Variants in PTPRA observed in about 807,000 individuals in gnomAD.
PTPRA encodes the protein protein tyrosine phosphatase receptor type A.
Under a neutral mutation model 104.8 loss-of-function variants are expected in PTPRA, and 25 were observed. That is an observed-to-expected ratio of 0.24 (90% confidence interval 0.17 to 0.33). The LOEUF is 0.33. Ranked by LOEUF, PTPRA falls within the 10% of genes least tolerant of loss-of-function variation. PTPRA has a pLI of 1.00. For missense variants in PTPRA, 765 were observed against 1,015.3 expected (o/e 0.75, Z 3.35); for synonymous variants, 323 against 368.9 (o/e 0.88, Z 1.43).
intron 9 of PTPRA, among the ~76,000 whole-genome samples, chr20:3,003,243 C>G (rs1351769635): frequency 6.6e-6 from 1 of 152,148 alleles, no homozygotes; most frequent in Non-Finnish European, 1.5e-5. Context: ...TGCTCTGTAT[C>G]TAGCCCAGTG....
At chr20:2,886,109 AG>A (rs1288749394) in intron 1 of PTPRA, among the ~76,000 whole-genome samples, 2 of 152,220 alleles carry the variant, frequency 1.3e-5, no homozygotes, top group Non-Finnish European at 2.9e-5. Context: ...ACATAAGTAT[AG>A]ATCTTGTTTA....
At position 3,027,645 on chromosome 20, in the gene PTPRA, T is replaced by C; in HGVS notation, c.1786-62T>C. On this transcript the variant is annotated intron_variant, in intron 19 of 23. Transcript: ENST00000399903. ...CCCCATTCCCTTCTAGTGGTCTGTC[T>C]TCTCCACTAGTCCCTCTGTGATTAA... The C allele has an allele frequency of 3.2e-6, 5 of 1,575,692 alleles. No individual in the cohort carries two copies. The Admixed American group carries it at 8.5e-5, about 27-fold the overall frequency.
At chr20:2,986,989 T>A (rs1429053569) in intron 7 of PTPRA, 140 bp downstream of exon 7, 17 of 764,156 alleles carry the variant, frequency 2.2e-5, no homozygotes, top group Non-Finnish European at 3.5e-5. Flanking sequence ...AGTGCTAAAA[T>A]TGAAGTTCTA....
chr20:2,957,104 T>A (rs562412313), intron 3 of PTPRA, among the ~76,000 whole-genome samples: 1 of 152,172 alleles, frequency 6.6e-6, no homozygotes, highest in East Asian at 1.9e-4. Flanking sequence ...GCCAACACAG[T>A]GAAACCCTGT....
At chr20:2,867,604 A>T in the PTPRA span, among the ~76,000 whole-genome samples, 2 of 149,432 alleles carry the variant, frequency 1.3e-5, no homozygotes, top group Non-Finnish European at 3.0e-5. Context: ...TGCTCTCCCT[A>T]TCTAGCCTTC....
chr20:2,998,943 C>A (rs2063516334), intron 9 of PTPRA, among the ~76,000 whole-genome samples: 1 of 120,852 alleles, frequency 8.3e-6, no homozygotes, highest in Admixed American at 8.2e-5. Context: ...TTATATATGA[C>A]ATATTTATAA....
At chr20:2,967,292 A>G (rs995143195) in intron 5 of PTPRA, among the ~76,000 whole-genome samples, 2 of 152,176 alleles carry the variant, frequency 1.3e-5, no homozygotes, top group Admixed American at 6.5e-5. Flanking sequence ...GGCTGAGACT[A>G]TGTTTCTCTA....
chr20:2,927,679 T>C (rs1026557557), intron 2 of PTPRA, among the ~76,000 whole-genome samples: 2 of 152,192 alleles, frequency 1.3e-5, no homozygotes, highest in African/African-American at 4.8e-5. Flanking sequence ...TCCACTGATC[T>C]TGGATATCAG....
chr20:2,866,524 G>T, the PTPRA span: 1 of 1,614,188 alleles, frequency 6.2e-7, no homozygotes, highest in Non-Finnish European at 8.5e-7. Context: ...CACAGATGGG[G>T]CCACAGCTGA....
chr20:2,879,996 G>A (rs2089959865), intron 1 of PTPRA, among the ~76,000 whole-genome samples: 2 of 152,226 alleles, frequency 1.3e-5, no homozygotes, highest in African/African-American at 4.8e-5. Context: ...TGATTCTAAT[G>A]TGTAGCCAGG....
chr20:2,872,565 A>G (rs2089455880), upstream of PTPRA, among the ~76,000 whole-genome samples: 1 of 152,224 alleles, frequency 6.6e-6, no homozygotes, highest in Non-Finnish European at 1.5e-5. The surrounding 1 kb of genome is among the most constrained non-coding windows in gnomAD (Gnocchi z 7.9). Flanking sequence ...AACCCGGCGA[A>G]ATGTCGCATT....
intron 9 of PTPRA, among the ~76,000 whole-genome samples, chr20:2,995,380 A>T (rs1230015057): frequency 1.3e-5 from 2 of 152,058 alleles, no homozygotes; most frequent in Non-Finnish European, 2.9e-5. Flanking sequence ...GGTCTCCCAG[A>T]GTGCTGGGAT....
rs115565515 is a variant in PTPRA at position 3,007,430 on chromosome 20, G to A, written c.906+10G>A. On this transcript the variant is annotated intron_variant, in intron 11 of 23. Coordinates refer to ENST00000399903, the MANE Select transcript of PTPRA (RefSeq NM_001385305.1). ...TGCTTCATTCATCAACGTAAGGATC[G>A]GGTGCTTTCCCTGTCACTTCCCTGC... is the stretch of plus-strand genomic sequence containing the variant. 20 of 1,612,062 alleles carry A rather than the reference G, an allele frequency of 1.2e-5. No individual in the cohort carries two copies. Among genetic ancestry groups the A allele is most frequent in the African/African-American group, 2.7e-5 (2 of 75,004 alleles).
At chr20:2,909,963 GAT>G (rs1202615827) in intron 1 of PTPRA, among the ~76,000 whole-genome samples, 2,561 of 113,432 alleles carry the variant, frequency 0.023, 40 homozygotes, top group Non-Finnish European at 0.032. Context: ...TATAATATAT[GAT>G]ATATATATAA....
At chr20:3,030,622 TACTTACAAATTAAAATCTCGAAGG>T (rs1274412465) in intron 20 of PTPRA, among the ~76,000 whole-genome samples, 1 of 151,058 alleles carries the variant, frequency 6.6e-6, no homozygotes, top group Non-Finnish European at 1.5e-5. Context: ...ATAAATTCTG[TACTTACAAATTAAAATCTCGAAGG>T]AATTAAAAAT....
At chr20:2,920,622 G>A (rs932335728) in intron 1 of PTPRA, among the ~76,000 whole-genome samples, 2 of 152,086 alleles carry the variant, frequency 1.3e-5, no homozygotes, top group Non-Finnish European at 2.9e-5. Flanking sequence ...AGGGAGTGAT[G>A]ATGGGAATTT....
chr20:2,877,554 C>A (rs957151339), intron 1 of PTPRA, among the ~76,000 whole-genome samples: 1 of 152,056 alleles, frequency 6.6e-6, no homozygotes, highest in Non-Finnish European at 1.5e-5. Flanking sequence ...CCACCGTGCC[C>A]GGTGAAGAAA....
intron 5 of PTPRA, among the ~76,000 whole-genome samples, chr20:2,972,318 C>A (rs1471101150): frequency 6.6e-6 from 1 of 152,166 alleles, no homozygotes; most frequent in Non-Finnish European, 1.5e-5. Flanking sequence ...CAAACCCCAC[C>A]TCAGACTTCT....
At chr20:2,936,913 G>T (rs2060723887) in intron 2 of PTPRA, among the ~76,000 whole-genome samples, 1 of 151,554 alleles carries the variant, frequency 6.6e-6, no homozygotes, top group Admixed American at 6.6e-5. Flanking sequence ...TTGTTCTTCT[G>T]TTTCCCCTTT....
Sources: allele counts gnomAD v4.1 joint callset (sites outside exome capture counted in the v4.1 genomes callset), GRCh38; gene constraint gnomAD v4.1.1; non-coding constraint Gnocchi (gnomAD v3.1); transcripts MANE v1.5; gene names NCBI Gene and HGNC (gene_info 2026-07-23, HGNC 2026-07-21).